LRMDA: variants seen among roughly 807,000 people sequenced by gnomAD.
The protein encoded by LRMDA is leucine-rich melanocyte differentiation-associated protein.
In LRMDA, 18 loss-of-function variants were observed where a neutral mutation model predicts 29.8. That is an observed-to-expected ratio of 0.60 (90% confidence interval 0.42 to 0.90). The LOEUF is 0.90. Ranked by LOEUF, LRMDA falls within the 40% of genes least tolerant of loss-of-function variation. The pLI is 0.00. For synonymous variants in LRMDA, 125 were observed against 109.4 expected (o/e 1.14, Z -0.89); for missense variants, 273 against 273.9 (o/e 1.00, Z 0.02).
chr10:76,139,087 A>G (rs914275370), intron 5 of LRMDA, among the ~76,000 whole-genome samples: 15 of 152,128 alleles, frequency 9.9e-5, no homozygotes, highest in African/African-American at 2.9e-4. Context: ...AAATTAGAAA[A>G]AGCTCTGTGC....
chr10:76,275,857 T>A lies in LRMDA; in HGVS notation c.517-48544T>A, dbSNP rs1328167651. Among the ~76,000 whole-genome samples, 3 of 152,136 alleles carry A rather than the reference T, an allele frequency of 2.0e-5. No individual in the cohort carries two copies. In the East Asian group the frequency reaches 5.8e-4, roughly 29 times the overall value. On this transcript the variant is annotated intron_variant, in intron 5 of 6. Coordinates refer to ENST00000611255, the MANE Select transcript of LRMDA (RefSeq NM_001305581.2). ...TAACACCATATACATATATGTTAGA[T>A]CTTTTCATATTGTTCCACAGGTCCT...
At chr10:75,659,503 G>A (rs2132133240) in intron 2 of LRMDA, among the ~76,000 whole-genome samples, 1 of 152,280 alleles carries the variant, frequency 6.6e-6, no homozygotes, top group South Asian at 2.1e-4. Context: ...CGACAACACA[G>A]ATGAACCTGG....
rs1845384433 is a variant in LRMDA, at chr10:75,523,491, A to T, written c.131+84997A>T. Among the ~76,000 whole-genome samples, 3 of 152,186 alleles carry T rather than the reference A, an allele frequency of 2.0e-5. 1 individual carries two copies. In the South Asian group the frequency reaches 6.2e-4, roughly 32 times the overall value. On this transcript the variant is annotated intron_variant, in intron 2 of 6. Coordinates refer to ENST00000611255, the MANE Select transcript of LRMDA (RefSeq NM_001305581.2). ...ATTTCACTTGAAATGGGGAACAAGA[A>T]GATTCTACTGCATTCACTTGAAATC...
intron 5 of LRMDA, among the ~76,000 whole-genome samples, chr10:76,099,903 T>C (rs1849370610): frequency 6.6e-6 from 1 of 152,202 alleles, no homozygotes; most frequent in Non-Finnish European, 1.5e-5. Flanking sequence ...GAAAATAATA[T>C]GTATTTTTAC....
chr10:75,782,381 C>T (rs1023939182), intron 2 of LRMDA, among the ~76,000 whole-genome samples: 3 of 152,092 alleles, frequency 2.0e-5, no homozygotes, highest in Non-Finnish European at 4.4e-5. Context: ...TTCAGTTTGT[C>T]TTTTTTGCTA....
At position 76,239,088 on chromosome 10, in the gene LRMDA, G is replaced by A. The variant is rs115562381; in HGVS notation, c.517-85313G>A. On this transcript the variant is annotated intron_variant, in intron 5 of 6. Transcript: ENST00000611255. ...CTGCCTCATGCCTTGCCTTGGTGAC[G>A]TACAAATTTTAGGCATTTTAAAGAA... Among the ~76,000 whole-genome samples, 312 of 152,224 alleles carry A rather than the reference G, an allele frequency of 2.0e-3. 3 individuals carry two copies. The highest frequency in any genetic ancestry group is 9.5e-3 in the South Asian group (46 of 4,820).
chr10:76,107,696 C>T (rs961647972), intron 5 of LRMDA, among the ~76,000 whole-genome samples: 1 of 152,180 alleles, frequency 6.6e-6, no homozygotes, highest in African/African-American at 2.4e-5. Flanking sequence ...CTCTGGATGC[C>T]TCAACATACC....
At chr10:76,213,183 C>T (rs79176027) in intron 5 of LRMDA, among the ~76,000 whole-genome samples, 1,900 of 152,302 alleles carry the variant, frequency 0.012, 47 homozygotes, top group African/African-American at 0.041. Context: ...ATGTCATTGG[C>T]TAATTTGCAG....
chr10:76,551,809 G>A (rs893414017), intron 6 of LRMDA, among the ~76,000 whole-genome samples: 30 of 152,196 alleles, frequency 2.0e-4, no homozygotes, highest in Admixed American at 1.2e-3. Context: ...GGACCAAGAC[G>A]CTCCTGATCA....
At chr10:76,104,787 A>AC (rs1189674920) in intron 5 of LRMDA, among the ~76,000 whole-genome samples, 2 of 151,630 alleles carry the variant, frequency 1.3e-5, no homozygotes, top group Non-Finnish European at 2.9e-5. Flanking sequence ...TTTGTGGCTC[A>AC]CCCCCCATAT....
chr10:75,737,788 C>T (rs1398489089), intron 2 of LRMDA, among the ~76,000 whole-genome samples: 1 of 152,150 alleles, frequency 6.6e-6, no homozygotes, highest in Non-Finnish European at 1.5e-5. Context: ...GAAATATAAT[C>T]CTGAAGCCCT....
rs73281511 is a variant in LRMDA at position 76,031,910 on chromosome 10, G to A, written c.132-4098G>A. On this transcript the variant is annotated intron_variant, in intron 2 of 6. Coordinates refer to ENST00000611255, the MANE Select transcript of LRMDA (RefSeq NM_001305581.2). ...CTGTGGTCAGCTATTCCCCATGTTCGCTGCCCATCTCATGTTGGTGCAGCT... is the reference window on the plus strand; with the variant it reads ...CTGTGGTCAGCTATTCCCCATGTTCACTGCCCATCTCATGTTGGTGCAGCT... 9.2e-3 allele frequency among the ~76,000 whole-genome samples: 1,394 copies of A among 152,238 alleles called. 33 individuals carry two copies. The highest frequency in any genetic ancestry group is 0.032 in the African/African-American group (1,311 of 41,534).
chr10:75,650,872 T>C (rs746247528), intron 2 of LRMDA, among the ~76,000 whole-genome samples: 2 of 152,036 alleles, frequency 1.3e-5, no homozygotes, highest in Non-Finnish European at 1.5e-5. Context: ...TGAGCCCCCA[T>C]GGTGGGCAAA....
Position 75,990,955 on chromosome 10 carries a change from A to G in LRMDA, c.132-45053A>G, listed in dbSNP as rs146481452. On this transcript the variant is annotated intron_variant, in intron 2 of 6. Transcript: ENST00000611255. ...TTGGATTCCAAGTCTTCCCTAAGTT[A>G]GTACAGCTCTTTGATAGCAGTTGAA... Among the ~76,000 whole-genome samples the G allele has an allele frequency of 1.7e-4, 26 of 152,292 alleles. No homozygotes were observed. The East Asian group carries it at 4.6e-3, about 27-fold the overall frequency.
rs967708511 is a variant in LRMDA, at chr10:75,478,980, A to G, written c.131+40486A>G. 3.3e-5 allele frequency among the ~76,000 whole-genome samples: 5 copies of G among 152,060 alleles called. No homozygotes were observed. In the South Asian group the frequency reaches 6.2e-4, roughly 19 times the overall value. ...TAATTGTATCTGGACCTGCACCCCC[A>G]GCTTCTTTCTTGGCTTCATTTAATC... On this transcript the variant is annotated intron_variant, in intron 2 of 6. Transcript: ENST00000611255.
chr10:76,053,478 A>G (rs914219768), intron 4 of LRMDA, among the ~76,000 whole-genome samples: 5 of 152,146 alleles, frequency 3.3e-5, no homozygotes, highest in African/African-American at 1.2e-4. Context: ...AAAAGCCTTC[A>G]TTCTGTGGCT....
At chr10:75,544,146 C>A (rs1203683770) in intron 2 of LRMDA, among the ~76,000 whole-genome samples, 1 of 152,098 alleles carries the variant, frequency 6.6e-6, no homozygotes, top group Non-Finnish European at 1.5e-5. Context: ...TGTCTTCACA[C>A]TCATTTGATA....
chr10:76,362,200 G>C (rs907004453), intron 6 of LRMDA, among the ~76,000 whole-genome samples: 5 of 152,184 alleles, frequency 3.3e-5, no homozygotes, highest in Non-Finnish European at 5.9e-5. Context: ...CCACGGGCTA[G>C]TGAATAAAAT....
intron 5 of LRMDA, among the ~76,000 whole-genome samples, chr10:76,277,462 C>G (rs1840149765): frequency 6.6e-6 from 1 of 152,102 alleles, no homozygotes; most frequent in African/African-American, 2.4e-5. Context: ...CAGCTGAGCC[C>G]CTCTTTTATT....
Sources: allele counts gnomAD v4.1 joint callset (sites outside exome capture counted in the v4.1 genomes callset), GRCh38; gene constraint gnomAD v4.1.1; transcripts MANE v1.5; gene names NCBI Gene and HGNC (gene_info 2026-07-23, HGNC 2026-07-21).